The following KCNC2 variants were observed in gnomAD, a reference collection of about 807,000 sequenced individuals.
The protein encoded by KCNC2 is potassium voltage-gated channel subfamily C member 2, also known as voltage-gated potassium channel KCNC2.
KCNC2 carries 21 observed loss-of-function variants against 44.5 expected under a neutral mutation model. That is an observed-to-expected ratio of 0.47 (90% CI 0.33 to 0.68). KCNC2 has a LOEUF of 0.68. KCNC2 is among the 30% of genes least tolerant of loss of function. The pLI, the probability that KCNC2 is intolerant of heterozygous loss-of-function variation, is 0.01. For synonymous variants in KCNC2, 391 were observed against 339.1 expected (o/e 1.15, Z -1.68); for missense variants, 589 against 826.2 (o/e 0.71, Z 3.52).
At chr12:75,081,154 G>A (rs1188070520) in intron 2 of KCNC2, among the ~76,000 whole-genome samples, 1 of 151,984 alleles carries the variant, frequency 6.6e-6, no homozygotes, top group African/African-American at 2.4e-5. Context: ...TGTTTCTTTA[G>A]CAATTTTTTT....
At chr12:75,067,928 C>T (rs1304706533) in intron 2 of KCNC2, among the ~76,000 whole-genome samples, 1 of 151,594 alleles carries the variant, frequency 6.6e-6, no homozygotes, top group African/African-American at 2.4e-5. Context: ...ATGTAGAAGT[C>T]CCCTTATAAA....
At position 75,048,305 on chromosome 12, in the gene KCNC2, TCACCTGATAACACTGGTCACAG is replaced by T; in HGVS notation, c.1616-10_1627del. The stretch of plus-strand genomic sequence containing the variant: ...TGGCGGCTCACTTCCTGTACTGTCG[TCACCTGATAACACTGGTCACAG>T]CACCATGCCCATTGACAGACAGTGA... On this transcript the variant is annotated splice_acceptor_variant and splice_polypyrimidine_tract_variant and coding_sequence_variant and intron_variant, in exon 4 of 5. Coordinates refer to ENST00000549446, the MANE Select transcript of KCNC2 (RefSeq NM_139137.4). LOFTEE classifies it high-confidence loss of function. 1 of 1,611,178 alleles carries T rather than the reference TCACCTGATAACACTGGTCACAG, an allele frequency of 6.2e-7. No homozygotes were observed. The highest frequency in any genetic ancestry group is 8.5e-7 in the Non-Finnish European group (1 of 1,178,590).
At chr12:75,200,129 G>A (rs1284753398) in intron 2 of KCNC2, among the ~76,000 whole-genome samples, 3 of 151,800 alleles carry the variant, frequency 2.0e-5, no homozygotes, top group Non-Finnish European at 4.4e-5. Flanking sequence ...AGACATGGAA[G>A]GGATCAGAGC....
At chr12:75,109,070 C>A (rs983392953) in intron 2 of KCNC2, among the ~76,000 whole-genome samples, 1 of 152,116 alleles carries the variant, frequency 6.6e-6, no homozygotes, top group East Asian at 1.9e-4. Context: ...GGGCAGGCTG[C>A]TTATGTATCT....
At chr12:75,190,377 G>T (rs1215617986) in intron 2 of KCNC2, among the ~76,000 whole-genome samples, 1 of 152,000 alleles carries the variant, frequency 6.6e-6, no homozygotes, top group Non-Finnish European at 1.5e-5. Context: ...GCTAAGTTCT[G>T]TTCCTTTATA....
At position 75,201,262 on chromosome 12, in the gene KCNC2, G is replaced by GAAAAAAAAAAAAAAA. The variant is rs1313998973; in HGVS notation, c.687+6020_687+6034dup. Among the ~76,000 whole-genome samples, 8 of 18,468 alleles carry GAAAAAAAAAAAAAAA rather than the reference G, an allele frequency of 4.3e-4. 3 individuals carry two copies. Among genetic ancestry groups the GAAAAAAAAAAAAAAA allele is most frequent in the African/African-American group, 8.0e-4 (4 of 4,978 alleles). The allele number at this position is 18,468 out of a possible 152,430, so 12.1% of individuals were successfully genotyped here. On this transcript the variant is annotated intron_variant, in intron 2 of 4. Transcript: ENST00000549446. ...GGGCAGAAAGTTACAAACGAAATTG[G>GAAAAAAAAAAAAAAA]AAAAAAAAAAAAAAAAAAAAAAAAA...
intron 2 of KCNC2, among the ~76,000 whole-genome samples, chr12:75,085,474 A>G (rs1446643071): frequency 1.3e-5 from 2 of 152,016 alleles, no homozygotes; most frequent in Non-Finnish European, 2.9e-5. Context: ...ATTTCATTTA[A>G]TGTTTACAAA....
chr12:75,052,084 A>C (rs1881238396), intron 2 of KCNC2, among the ~76,000 whole-genome samples: 1 of 152,034 alleles, frequency 6.6e-6, no homozygotes, highest in South Asian at 2.1e-4. Flanking sequence ...ATATGACTAC[A>C]CACACACACC....
intron 2 of KCNC2, among the ~76,000 whole-genome samples, chr12:75,090,278 T>A (rs1401870797): frequency 2.0e-5 from 3 of 151,778 alleles, no homozygotes; most frequent in African/African-American, 7.2e-5. Context: ...TAGCCACCTA[T>A]CTCAAAATAA....
chr12:75,099,632 G>T (rs190844290), intron 2 of KCNC2, among the ~76,000 whole-genome samples: 2 of 152,256 alleles, frequency 1.3e-5, no homozygotes, highest in East Asian at 1.9e-4. Flanking sequence ...TTATTACATA[G>T]CTATTGAATG....
chr12:75,081,026 G>A (rs1005398633), intron 2 of KCNC2, among the ~76,000 whole-genome samples: 4 of 152,060 alleles, frequency 2.6e-5, no homozygotes, highest in African/African-American at 4.8e-5. Context: ...TATGCTAGCC[G>A]AGGATAAAAT....
Position 75,103,764 on chromosome 12 carries a change from A to G in KCNC2, c.688-52447T>C, listed in dbSNP as rs537238624. Among the ~76,000 whole-genome samples the G allele has an allele frequency of 2.6e-5, 4 of 152,328 alleles. No individual in the cohort carries two copies. The South Asian group carries it at 6.2e-4, about 24-fold the overall frequency. ...TATACACTTTTTTCTATACACAACTATGATGAAGTTTAATGCTAAGTTAGA... is the reference window on the plus strand; with the variant it reads ...TATACACTTTTTTCTATACACAACTGTGATGAAGTTTAATGCTAAGTTAGA... On this transcript the variant is annotated intron_variant, in intron 2 of 4. Coordinates refer to ENST00000549446, the MANE Select transcript of KCNC2 (RefSeq NM_139137.4).
intron 2 of KCNC2, among the ~76,000 whole-genome samples, chr12:75,181,120 G>C (rs759436235): frequency 3.3e-5 from 5 of 152,048 alleles, no homozygotes; most frequent in African/African-American, 1.2e-4. Context: ...CTAGTTTCTA[G>C]GATTCTCATG....
At chr12:75,191,029 G>T (rs1016930192) in intron 2 of KCNC2, among the ~76,000 whole-genome samples, 10 of 152,190 alleles carry the variant, frequency 6.6e-5, no homozygotes, top group Non-Finnish European at 1.0e-4. Context: ...TGTACTAAAA[G>T]TAGTAGCTTA....
chr12:75,170,261 G>A (rs1373919857), intron 2 of KCNC2, among the ~76,000 whole-genome samples: 1 of 151,630 alleles, frequency 6.6e-6, no homozygotes, highest in African/African-American at 2.4e-5. Flanking sequence ...GCAAAATGGA[G>A]GCTTAAAGGG....
chr12:75,087,334 C>T (rs1025535022), intron 2 of KCNC2, among the ~76,000 whole-genome samples: 1 of 152,032 alleles, frequency 6.6e-6, no homozygotes, highest in Non-Finnish European at 1.5e-5. Flanking sequence ...TACATGCTAC[C>T]TCTTCCAGTT....
At chr12:75,080,556 AAAT>A (rs1884402154) in intron 2 of KCNC2, among the ~76,000 whole-genome samples, 2 of 152,108 alleles carry the variant, frequency 1.3e-5, no homozygotes, top group Admixed American at 1.3e-4. Flanking sequence ...AATGTGCAAA[AAAT>A]AATGTCTCTG....
intron 2 of KCNC2, among the ~76,000 whole-genome samples, chr12:75,171,672 G>A (rs550130990): frequency 1.3e-5 from 2 of 151,804 alleles, no homozygotes; most frequent in African/African-American, 4.8e-5. Context: ...ATACAGTTAG[G>A]TGGAATAAGT....
intron 2 of KCNC2, among the ~76,000 whole-genome samples, chr12:75,066,821 A>T (rs1309010142): frequency 6.6e-6 from 1 of 152,212 alleles, no homozygotes; most frequent in Non-Finnish European, 1.5e-5. Flanking sequence ...ACTGTGTTTG[A>T]TTTATAACAA....
Sources: gnomAD v4.1 joint callset for allele counts (sites outside exome capture counted in the v4.1 genomes callset) on GRCh38, gnomAD v4.1.1 for gene constraint, MANE v1.5 for transcripts, NCBI Gene and HGNC (gene_info 2026-07-23, HGNC 2026-07-21) for gene names.